The following ZDHHC16 variants were observed in gnomAD, a reference collection of about 807,000 sequenced individuals.
The protein encoded by ZDHHC16 is zDHHC palmitoyltransferase 16, also known as palmitoyltransferase ZDHHC16.
In ZDHHC16, 33 loss-of-function variants were observed where a neutral mutation model predicts 54.4. The ratio of observed to expected loss-of-function variants is 0.61; its 90% CI spans 0.46 to 0.81. The LOEUF is 0.81. ZDHHC16 is among the 30% of genes least tolerant of loss of function. The probability of loss-of-function intolerance (pLI) is 0.00; values close to 1 mark genes in which losing one functional copy is unlikely to be tolerated. For missense variants in ZDHHC16, 420 were observed against 485.9 expected, an observed-to-expected ratio of 0.86 and a Z score of 1.28; for synonymous variants, 185 against 182.1, an observed-to-expected ratio of 1.02 and a Z score of -0.13.
chr10:97,456,746 A>T (rs1265838932), intron 11 of ZDHHC16, 31 bp from the exon 12 acceptor site: 4 of 1,522,234 alleles, frequency 2.6e-6, no homozygotes, highest in Non-Finnish European at 3.6e-6. Context: ...AGAATTCTTG[A>T]ACTCAGAGAC....
At chr10:97,450,078 A>G (rs1277713794) in intron 1 of ZDHHC16, among the ~76,000 whole-genome samples, 2 of 148,166 alleles carry the variant, frequency 1.3e-5, no homozygotes, top group African/African-American at 5.0e-5. Flanking sequence ...TCACCTTGTT[A>G]GCCAGGATGG....
chr10:97,457,052 T>C lies in ZDHHC16; in HGVS notation c.*161T>C, dbSNP rs562964900. On this transcript the variant is annotated 3_prime_UTR_variant, in exon 12 of 12. Coordinates refer to ENST00000393760, the MANE Select transcript of ZDHHC16 (RefSeq NM_198046.3). Reference sequence around the variant, plus strand: ...ATTCAAGGACCAGCCTTTTTACCACTGCAGAAGAAAGACACAATGTGGAGA... The same window carrying C: ...ATTCAAGGACCAGCCTTTTTACCACCGCAGAAGAAAGACACAATGTGGAGA... 2 of 456,308 alleles carry C rather than the reference T, an allele frequency of 4.4e-6. No homozygotes were observed. Among genetic ancestry groups the C allele is most frequent in the Admixed American group, 3.7e-5 (1 of 26,876 alleles). The allele number at this position is 456,308 out of a possible 1,614,324, so 28.3% of individuals were successfully genotyped here. A position where few individuals can be genotyped will look rare whatever the true frequency, so the allele number is the denominator to read the frequency against.
At chr10:97,449,861 C>CTTTTTTTTTTTTTTTTTT (rs35173837) in intron 1 of ZDHHC16, among the ~76,000 whole-genome samples, 20 of 81,532 alleles carry the variant, frequency 2.5e-4, no homozygotes, top group African/African-American at 1.1e-3. Context: ...CCCCTTAATT[C>CTTTTTTTTTTTTTTTTTT]TTTTTTTTTT....
chr10:97,449,461 A>T lies in ZDHHC16; in HGVS notation c.-185-896A>T, dbSNP rs549133266. ...CTCTTACATTTGATTGTGGGTGTCT[A>T]CTATTTTAAAAATTCATGCTACAAG... On this transcript the variant is annotated intron_variant, in intron 1 of 11. Transcript: ENST00000393760. Among the ~76,000 whole-genome samples the T allele has an allele frequency of 3.7e-4, 56 of 152,272 alleles. 1 individual carries two copies. In the South Asian group the frequency reaches 0.011, roughly 30 times the overall value.
At chr10:97,446,751 C>T (rs928383323) in intron 1 of ZDHHC16, among the ~76,000 whole-genome samples, 2 of 152,178 alleles carry the variant, frequency 1.3e-5, no homozygotes, top group Non-Finnish European at 2.9e-5. Flanking sequence ...AGGAGTCTCG[C>T]TCTGTCGCCA....
chr10:97,453,963 G>C (rs1283659947), intron 8 of ZDHHC16, 117 bp downstream of exon 8: 5 of 1,384,876 alleles, frequency 3.6e-6, no homozygotes, highest in Non-Finnish European at 5.0e-6. Flanking sequence ...GGCCACTCTA[G>C]ACCAGATCAG....
Position 97,452,276 on chromosome 10 carries a change from C to T in ZDHHC16, c.430C>T (p.Pro144Ser). Reference protein sequence around the residue: ...YQAITTPPGYPPQGRNDIATV... With the variant: ...YQAITTPPGYSPQGRNDIATV... ...GGCCATCACCACTCCGCCTGGGTAC[C>T]CACCCCAGGTGGGTCCTCACAGGAG... The change falls in exon 4 of 12, where the codon CCA becomes TCA. Residue 144 changes from proline (P) to serine (S), a missense_variant. Transcript: ENST00000393760. 3 of 1,614,148 alleles carry T rather than the reference C, an allele frequency of 1.9e-6. No individual in the cohort carries two copies. Among genetic ancestry groups the T allele is most frequent in the South Asian group, 1.1e-5 (1 of 91,086 alleles).
intron 8 of ZDHHC16, 123 bp downstream of exon 8, chr10:97,453,969 AT>A (rs1846913973): frequency 7.6e-7 from 1 of 1,311,642 alleles, no homozygotes; most frequent in African/African-American, 1.5e-5. Flanking sequence ...TCTAGACCAG[AT>A]CAGGAGTGTT....
rs1292852644 is a variant in ZDHHC16 at position 97,456,218 on chromosome 10, T to C, written c.1019+174T>C. 4.7e-6 allele frequency: 3 copies of C among 643,512 alleles called. No individual in the cohort carries two copies. In the East Asian group the frequency reaches 8.6e-5, roughly 18 times the overall value. The allele number at this position is 643,512 out of a possible 1,614,324, so 39.9% of individuals were successfully genotyped here. A position where few individuals can be genotyped will look rare whatever the true frequency, so the allele number is the denominator to read the frequency against. ...CCAGAAAGGCTTGAGGCCAATACTGTGTGGTTTTAAGTAACAGATGAGGCT... is the reference window on the plus strand; with the variant it reads ...CCAGAAAGGCTTGAGGCCAATACTGCGTGGTTTTAAGTAACAGATGAGGCT... On this transcript the variant is annotated intron_variant, in intron 11 of 11. Transcript: ENST00000393760.
rs1847145661 is a variant in ZDHHC16 at position 97,456,018 on chromosome 10, G to C, written c.993G>C (p.Lys331Asn). ...PYNYGCLDNW[K>N]VFLGVDTGRH... ...ACTACGGCTGCTTGGACAACTGGAAGGTATTCCTGGGTGTGGATACAGGAA... is the reference window on the plus strand; with the variant it reads ...ACTACGGCTGCTTGGACAACTGGAACGTATTCCTGGGTGTGGATACAGGAA... The change falls in exon 11 of 12, where the codon AAG becomes AAC. Residue 331 changes from lysine (K) to asparagine (N), a missense_variant. By Grantham distance (94) the Lys-to-Asn change is moderately conservative. Transcript: ENST00000393760. 6.2e-7 allele frequency: 1 copy of C among 1,614,188 alleles called. No individual in the cohort carries two copies. The highest frequency in any genetic ancestry group is 8.5e-7 in the Non-Finnish European group (1 of 1,180,024).
chr10:97,456,094 G>C, intron 11 of ZDHHC16, 50 bp downstream of exon 11: 1 of 1,589,528 alleles, frequency 6.3e-7, no homozygotes, highest in South Asian at 1.1e-5. Context: ...ACTGTGATGA[G>C]AAAGATGTTC....
At chr10:97,447,597 T>C (rs1295907311) in intron 1 of ZDHHC16, among the ~76,000 whole-genome samples, 1 of 152,180 alleles carries the variant, frequency 6.6e-6, no homozygotes, top group Non-Finnish European at 1.5e-5. Context: ...CACACATCTT[T>C]TTGAATTTTG....
intron 11 of ZDHHC16, 27 bp from the exon 12 acceptor site, chr10:97,456,750 C>A: frequency 6.5e-7 from 1 of 1,540,030 alleles, no homozygotes; most frequent in Non-Finnish European, 8.9e-7. Context: ...TTCTTGAACT[C>A]AGAGACATTT....
chr10:97,446,258 G>T lies in ZDHHC16; in HGVS notation c.-281G>T. 2 of 552,248 alleles carry T rather than the reference G, an allele frequency of 3.6e-6. No homozygotes were observed. The highest frequency in any genetic ancestry group is 3.2e-6 in the Non-Finnish European group (1 of 310,222). 34.2% of individuals were successfully genotyped at this position (552,248 alleles called of 1,614,324 possible). A position where few individuals can be genotyped will look rare whatever the true frequency, so the allele number is the denominator to read the frequency against. On this transcript the variant is annotated 5_prime_UTR_variant, in exon 1 of 12. Coordinates refer to ENST00000393760, the MANE Select transcript of ZDHHC16 (RefSeq NM_198046.3). Reference sequence around the variant, plus strand: ...GGCCATGGTGGTTTGGATTGAGCCGGGCCCGGCCGGGGCGCCGAGTCGGAG... The same window carrying T: ...GGCCATGGTGGTTTGGATTGAGCCGTGCCCGGCCGGGGCGCCGAGTCGGAG...
intron 6 of ZDHHC16, 152 bp from the exon 7 acceptor site, chr10:97,453,378 A>G: frequency 2.8e-6 from 3 of 1,086,294 alleles, no homozygotes; most frequent in South Asian, 1.5e-5. Context: ...GGGTGTGAAC[A>G]GTCTTGTATT....
intron 1 of ZDHHC16, among the ~76,000 whole-genome samples, chr10:97,447,057 C>T (rs1589482739): frequency 1.3e-5 from 2 of 152,344 alleles, no homozygotes; most frequent in South Asian, 4.1e-4. Flanking sequence ...GTCCGATCCT[C>T]TTCGCGGCCC....
At chr10:97,453,956 C>A in intron 8 of ZDHHC16, 110 bp downstream of exon 8, 1 of 1,413,970 alleles carries the variant, frequency 7.1e-7, no homozygotes, top group Non-Finnish European at 9.8e-7. Flanking sequence ...GCCGAGAGGC[C>A]ACTCTAGACC....
At position 97,446,200 on chromosome 10, in the gene ZDHHC16, G is replaced by T. The variant is rs1845997089; in HGVS notation, c.-339G>T. On this transcript the variant is annotated 5_prime_UTR_variant, in exon 1 of 12. Coordinates refer to ENST00000393760, the MANE Select transcript of ZDHHC16 (RefSeq NM_198046.3). The stretch of plus-strand genomic sequence containing the variant: ...GTGGTTGAGGATGGGCTGGCGGCGG[G>T]TCCGGGTCCGCTGCCTGGCGCTGCG... 2 of 680,270 alleles carry T rather than the reference G, an allele frequency of 2.9e-6. No homozygotes were observed. Among genetic ancestry groups the T allele is most frequent in the Non-Finnish European group, 5.0e-6 (2 of 404,026 alleles). The allele number at this position is 680,270 out of a possible 1,614,324, so 42.1% of individuals were successfully genotyped here. A position where few individuals can be genotyped will look rare whatever the true frequency, so the allele number is the denominator to read the frequency against.
chr10:97,451,946 G>A (rs1157113940), intron 3 of ZDHHC16, 28 bp downstream of exon 3: 2 of 1,594,746 alleles, frequency 1.3e-6, no homozygotes, highest in South Asian at 1.1e-5. Flanking sequence ...AGCAGGAAAA[G>A]GGGTGTTGTG....
Sources: allele counts gnomAD v4.1 joint callset (sites outside exome capture counted in the v4.1 genomes callset), GRCh38; gene constraint gnomAD v4.1.1; transcripts MANE v1.5; gene names NCBI Gene and HGNC (gene_info 2026-07-23, HGNC 2026-07-21).